MATN2: variants seen among roughly 807,000 people sequenced by gnomAD.
The protein encoded by MATN2 is matrilin-2.
A neutral mutation model predicts 103.2 loss-of-function variants in MATN2; 69 were observed. The observed-to-expected ratio is 0.67, with a 90% confidence interval of 0.55 to 0.82. MATN2 has a LOEUF of 0.82. Ranked by LOEUF, MATN2 falls within the 40% of genes least tolerant of loss-of-function variation. The pLI is 0.00. For synonymous variants in MATN2, 429 were observed against 450.2 expected, an observed-to-expected ratio of 0.95 and a Z score of 0.60; for missense variants, 1,023 against 1,211.5, an observed-to-expected ratio of 0.84 and a Z score of 2.31.
At chr8:98,033,410 C>A in intron 17 of MATN2, 151 bp from the exon 18 acceptor site, 1 of 639,398 alleles carries the variant, frequency 1.6e-6, no homozygotes, top group Non-Finnish European at 2.7e-6. Context: ...ATATACAGTG[C>A]TTTCCTGGTA....
At chr8:97,952,593 T>C (rs1177955333) in intron 4 of MATN2, among the ~76,000 whole-genome samples, 2 of 52,470 alleles carry the variant, frequency 3.8e-5, no homozygotes, top group African/African-American at 5.3e-5. Context: ...TGGGAGTCTC[T>C]GGGGAAACTG....
At chr8:97,939,973 A>T (rs1810501060) in intron 3 of MATN2, among the ~76,000 whole-genome samples, 2 of 152,248 alleles carry the variant, frequency 1.3e-5, no homozygotes, top group Non-Finnish European at 2.9e-5. Flanking sequence ...CAGATGTAAA[A>T]TAAGACAAAA....
chr8:97,891,473 G>C (rs1254082201), intron 2 of MATN2, among the ~76,000 whole-genome samples: 2 of 152,044 alleles, frequency 1.3e-5, no homozygotes, highest in Non-Finnish European at 2.9e-5. Flanking sequence ...AAGTAGCTGA[G>C]ACTACAGGCA....
intron 13 of MATN2, chr8:98,025,861 T>G: frequency 2.9e-6 from 1 of 341,034 alleles, no homozygotes; most frequent in Non-Finnish European, 5.7e-6. Flanking sequence ...CTTTTATTTC[T>G]GCTTACTATC....
intron 4 of MATN2, among the ~76,000 whole-genome samples, chr8:97,945,711 A>T (rs1398915254): frequency 1.0e-3 from 68 of 67,306 alleles, no homozygotes; most frequent in Non-Finnish European, 1.6e-3. Context: ...TATAGAAAAA[A>T]AAAAAAATAT....
chr8:97,931,585 A>G lies in MATN2; in HGVS notation c.712+63A>G, dbSNP rs559617104. The G allele has an allele frequency of 4.1e-6, 6 of 1,450,774 alleles. No individual in the cohort carries two copies. Among genetic ancestry groups the G allele is most frequent in the Non-Finnish European group, 5.6e-6 (6 of 1,078,340 alleles). The allele number at this position is 1,450,774 out of a possible 1,614,324, so 89.9% of individuals were successfully genotyped here. A position where few individuals can be genotyped will look rare whatever the true frequency, so the allele number is the denominator to read the frequency against. ...ACTAGAATTCATTCATTCATCTTCAAGTGTTCATTCTGTGTTACTATGTCC... is the reference window on the plus strand; with the variant it reads ...ACTAGAATTCATTCATTCATCTTCAGGTGTTCATTCTGTGTTACTATGTCC... On this transcript the variant is annotated intron_variant, in intron 3 of 18. Transcript: ENST00000254898. This position sits in a 1 kb window ranked among gnomAD's most constrained non-coding sequence, Gnocchi z 4.1.
intron 1 of MATN2, among the ~76,000 whole-genome samples, chr8:97,879,541 C>T (rs922772165): frequency 3.3e-5 from 5 of 152,168 alleles, no homozygotes; most frequent in African/African-American, 4.8e-5. Context: ...GTAGAACATT[C>T]GCTGCAGCAG....
chr8:97,990,035 A>G (rs770509317), intron 6 of MATN2, among the ~76,000 whole-genome samples: 19 of 152,178 alleles, frequency 1.2e-4, no homozygotes, highest in Middle Eastern at 6.8e-3. Flanking sequence ...TATGAACATT[A>G]GCCAGGCATG....
At chr8:97,989,382 T>A (rs1224891444) in intron 6 of MATN2, among the ~76,000 whole-genome samples, 2 of 149,158 alleles carry the variant, frequency 1.3e-5, no homozygotes, top group African/African-American at 5.0e-5. Context: ...GGCAGGAGAA[T>A]GGCGTGAACC....
chr8:97,971,100 C>G (rs1293255029), intron 5 of MATN2, among the ~76,000 whole-genome samples: 1 of 152,084 alleles, frequency 6.6e-6, no homozygotes. Flanking sequence ...GGGGAGGGGT[C>G]TGGCATGTCA....
At chr8:97,999,189 G>C (rs1054870376) in intron 7 of MATN2, among the ~76,000 whole-genome samples, 1 of 152,128 alleles carries the variant, frequency 6.6e-6, no homozygotes, top group Non-Finnish European at 1.5e-5. Flanking sequence ...CCTTTTTAAG[G>C]CTGAATAATA....
chr8:97,888,084 T>G lies in MATN2; in HGVS notation c.-17T>G. 1 of 1,607,248 alleles carries G rather than the reference T, an allele frequency of 6.2e-7. No homozygotes were observed. The highest frequency in any genetic ancestry group is 8.5e-7 in the Non-Finnish European group (1 of 1,177,128). ...GTTGTGTTTGTCACAGCCTTGCCCCTCTTGCTCGCCTTGAAAATGGAAAAG... is the reference window on the plus strand; with the variant it reads ...GTTGTGTTTGTCACAGCCTTGCCCCGCTTGCTCGCCTTGAAAATGGAAAAG... On this transcript the variant is annotated 5_prime_UTR_variant, in exon 2 of 19. Transcript: ENST00000254898.
intron 2 of MATN2, among the ~76,000 whole-genome samples, chr8:97,912,011 G>A (rs1473704575): frequency 6.6e-6 from 1 of 152,228 alleles, no homozygotes; most frequent in African/African-American, 2.4e-5. Flanking sequence ...GGAAACTGAA[G>A]GAGAGAGGGA....
intron 5 of MATN2, among the ~76,000 whole-genome samples, chr8:97,969,398 G>T (rs1811585565): frequency 6.6e-6 from 1 of 152,150 alleles, no homozygotes; most frequent in African/African-American, 2.4e-5. Context: ...TACATTGTAA[G>T]GTTTTATGGG....
intron 2 of MATN2, among the ~76,000 whole-genome samples, chr8:97,906,256 G>A (rs969716515): frequency 2.6e-5 from 4 of 151,996 alleles, no homozygotes; most frequent in African/African-American, 7.2e-5. Flanking sequence ...TTTATTTTAG[G>A]CATGTAAAAA....
rs537655420 is a variant in MATN2 at position 97,878,556 on chromosome 8, AAAG to A, written c.-27+9279_-27+9281del. ...GCAAGACTCTGTCTCAAAAAAAAAA[AAAG>A]AAGAAGAAGTCCAGGCATGGTCGCT... is the stretch of plus-strand genomic sequence containing the variant. On this transcript the variant is annotated intron_variant, in intron 1 of 18. Transcript: ENST00000254898. Among the ~76,000 whole-genome samples the A allele has an allele frequency of 1.6e-3, 244 of 152,210 alleles. 1 individual carries two copies. The highest frequency in any genetic ancestry group is 2.5e-3 in the African/African-American group (104 of 41,538).
At chr8:97,903,619 A>C (rs1819064391) in intron 2 of MATN2, among the ~76,000 whole-genome samples, 1 of 152,132 alleles carries the variant, frequency 6.6e-6, no homozygotes, top group African/African-American at 2.4e-5. Context: ...CCTAGGCGGG[A>C]ACTGGGAAGT....
chr8:97,992,928 CAATAATAATAAT>C (rs58706549), intron 6 of MATN2, among the ~76,000 whole-genome samples: 113 of 144,592 alleles, frequency 7.8e-4, no homozygotes, highest in African/African-American at 2.6e-3. Context: ...TCAAAACAAA[CAATAATAATAAT>C]AATAATAATA....
At chr8:97,981,081 C>T (rs902602597) in intron 6 of MATN2, among the ~76,000 whole-genome samples, 2 of 150,970 alleles carry the variant, frequency 1.3e-5, no homozygotes, top group Non-Finnish European at 2.9e-5. Flanking sequence ...ACTTGGGAGG[C>T]TCAGGTGGGA....
Sources: allele counts gnomAD v4.1 joint callset (sites outside exome capture counted in the v4.1 genomes callset), GRCh38; gene constraint gnomAD v4.1.1; non-coding constraint Gnocchi (gnomAD v3.1); transcripts MANE v1.5; gene names NCBI Gene and HGNC (gene_info 2026-07-23, HGNC 2026-07-21).